The following SORCS3 variants were observed in gnomAD, a reference collection of about 807,000 sequenced individuals.
The protein encoded by SORCS3 is VPS10 domain-containing receptor SorCS3.
SORCS3 carries 57 observed loss-of-function variants against 146.3 expected under a neutral mutation model. The observed-to-expected ratio is 0.39, with a 90% CI of 0.31 to 0.49. The LOEUF is 0.49. Among genes scored for constraint, SORCS3 ranks in the 20% least tolerant of loss-of-function variants. The pLI is 0.92. For synonymous variants in SORCS3, 653 were observed against 618.5 expected (o/e 1.06, Z -0.83); for missense variants, 1,341 against 1,575.5 (o/e 0.85, Z 2.52).
rs1319832341 is a variant in SORCS3 at position 105,223,122 on chromosome 10, T to C, written c.2741T>C (p.Val914Ala). The C allele has an allele frequency of 1.9e-6, 3 of 1,607,026 alleles. No homozygotes were observed. The highest frequency in any genetic ancestry group is 4.5e-5 in the East Asian group (2 of 44,728). The change falls in exon 20 of 27, where the codon GTG becomes GCG. Residue 914 changes from valine (V) to alanine (A), a missense_variant. By Grantham distance (64) the Val-to-Ala change is moderately conservative. Transcript: ENST00000369701. The part of the protein sequence containing the change: ...AVLFLHVVCP[V>A]EHVHLRVPFV... Reference sequence around the variant, plus strand: ...TTTTTTTCTGTTTCCTTAGGTCCTGTGGAGCATGTTCATCTCCGAGTTCCA... The same window carrying C: ...TTTTTTTCTGTTTCCTTAGGTCCTGCGGAGCATGTTCATCTCCGAGTTCCA...
At chr10:105,002,486 G>GAA (rs2055068201) in intron 4 of SORCS3, among the ~76,000 whole-genome samples, 1 of 152,114 alleles carries the variant, frequency 6.6e-6, no homozygotes, top group Non-Finnish European at 1.5e-5. Flanking sequence ...GGGGTATAAG[G>GAA]GCCACAGAAT....
chr10:104,711,339 C>T (rs1033219286), intron 1 of SORCS3, among the ~76,000 whole-genome samples: 3 of 152,136 alleles, frequency 2.0e-5, no homozygotes, highest in Admixed American at 6.6e-5. Context: ...TAATTTACTG[C>T]GGGCCATGCA....
chr10:105,260,453 G>A (rs957901073), intron 25 of SORCS3, among the ~76,000 whole-genome samples: 6 of 152,184 alleles, frequency 3.9e-5, no homozygotes, highest in Non-Finnish European at 7.3e-5. Context: ...AGAGCCTAGT[G>A]TGCTGCCTCA....
At chr10:104,667,530 C>T (rs973212723) in intron 1 of SORCS3, among the ~76,000 whole-genome samples, 2 of 152,114 alleles carry the variant, frequency 1.3e-5, no homozygotes, top group African/African-American at 4.8e-5. Context: ...TGGTCTGCTA[C>T]AGAAATAAAT....
At chr10:105,184,785 A>C (rs2056464891) in intron 14 of SORCS3, among the ~76,000 whole-genome samples, 1 of 152,188 alleles carries the variant, frequency 6.6e-6, no homozygotes, top group Non-Finnish European at 1.5e-5. Flanking sequence ...TCCAAAAATT[A>C]CCTTTTGTTC....
intron 1 of SORCS3, among the ~76,000 whole-genome samples, chr10:104,824,666 T>C (rs1210939024): frequency 2.0e-5 from 3 of 152,218 alleles, no homozygotes; most frequent in Non-Finnish European, 4.4e-5. Context: ...AACAGATGTG[T>C]TGATACTGAA....
chr10:104,921,301 C>T (rs1006809549), intron 3 of SORCS3, among the ~76,000 whole-genome samples: 4 of 152,140 alleles, frequency 2.6e-5, no homozygotes, highest in Admixed American at 2.0e-4. Context: ...CTCCCATGGG[C>T]GAGCTTATTT....
chr10:104,703,525 C>T (rs2133432597), intron 1 of SORCS3, among the ~76,000 whole-genome samples: 1 of 151,600 alleles, frequency 6.6e-6, no homozygotes, highest in South Asian at 2.1e-4. Context: ...ACTGCATGTT[C>T]TCACTCATAA....
chr10:104,862,626 T>A (rs969553995), intron 2 of SORCS3, among the ~76,000 whole-genome samples: 2 of 152,142 alleles, frequency 1.3e-5, no homozygotes, highest in Non-Finnish European at 2.9e-5. Context: ...CATTTGTATG[T>A]GTTTTTAAAT....
intron 3 of SORCS3, among the ~76,000 whole-genome samples, chr10:104,953,258 C>A (rs1453667851): frequency 1.3e-5 from 2 of 152,186 alleles, no homozygotes; most frequent in Non-Finnish European, 2.9e-5. Context: ...ATTACATATT[C>A]CATTTTGTAT....
intron 1 of SORCS3, among the ~76,000 whole-genome samples, chr10:104,839,040 G>A (rs1209559471): frequency 6.6e-6 from 1 of 152,132 alleles, no homozygotes; most frequent in Non-Finnish European, 1.5e-5. Context: ...GCAATAGACT[G>A]GCTTAATAGC....
intron 1 of SORCS3, among the ~76,000 whole-genome samples, chr10:104,687,623 G>T (rs981167461): frequency 6.6e-6 from 1 of 152,092 alleles, no homozygotes; most frequent in African/African-American, 2.4e-5. Context: ...GAGCAGGGCA[G>T]AAGAGAAGAA....
intron 6 of SORCS3, among the ~76,000 whole-genome samples, chr10:105,090,330 A>G (rs1801535689): frequency 6.6e-6 from 1 of 152,172 alleles, no homozygotes; most frequent in Non-Finnish European, 1.5e-5. Flanking sequence ...AGAGAGAGAA[A>G]GTGATGAGCA....
chr10:105,184,591 T>C (rs756904044), intron 14 of SORCS3, among the ~76,000 whole-genome samples: 5 of 152,242 alleles, frequency 3.3e-5, no homozygotes, highest in Non-Finnish European at 7.3e-5. Context: ...TAATGAAATA[T>C]TGAAAATATA....
At chr10:105,058,771 G>A (rs1250655582) in intron 5 of SORCS3, among the ~76,000 whole-genome samples, 1 of 152,104 alleles carries the variant, frequency 6.6e-6, no homozygotes, top group African/African-American at 2.4e-5. Context: ...GGGAGAACCG[G>A]CAGTGAATAC....
chr10:105,201,139 G>A lies in SORCS3; in HGVS notation c.2147G>A (p.Gly716Glu). ...LLNQGEPCVM[G>E]ERKIFKKRKP... is the part of the protein sequence containing the mutation. ...TCTAAGGGAGAGCCTTGTGTCATGGGAGAAAGGAAAATATTCAAGAAACGT... is the reference window on the plus strand; with the variant it reads ...TCTAAGGGAGAGCCTTGTGTCATGGAAGAAAGGAAAATATTCAAGAAACGT... Residue 716 changes from glycine (G) to glutamate (E), a missense_variant, in exon 16 of 27, where the codon GGA (glycine) becomes GAA (glutamate). By Grantham distance (98) the Gly-to-Glu change is moderately conservative (BLOSUM62 -2). Coordinates refer to ENST00000369701, the MANE Select transcript of SORCS3 (RefSeq NM_014978.3). 1 of 1,612,962 alleles carries A rather than the reference G, an allele frequency of 6.2e-7. No individual in the cohort carries two copies. Among genetic ancestry groups the A allele is most frequent in the Non-Finnish European group, 8.5e-7 (1 of 1,179,404 alleles).
Position 105,075,953 on chromosome 10 carries a change from G to T in SORCS3, c.1029-13822G>T, listed in dbSNP as rs377356655. Among the ~76,000 whole-genome samples the T allele has an allele frequency of 6.6e-5, 10 of 152,282 alleles. No homozygotes were observed. The South Asian group carries it at 8.3e-4, about 13-fold the overall frequency. ...ACCAGTCCAGTGCTCTTTCCATTAC[G>T]TTCCAACACAAGTTTTTATTAGTCA... On this transcript the variant is annotated intron_variant, in intron 5 of 26. Transcript: ENST00000369701.
chr10:104,856,598 A>ATGTATATT (rs1386270921), intron 2 of SORCS3, among the ~76,000 whole-genome samples: 1 of 23,650 alleles, frequency 4.2e-5, no homozygotes, highest in Non-Finnish European at 1.0e-4. Context: ...ATATATACAT[A>ATGTATATT]TAAATGTATT....
intron 1 of SORCS3, among the ~76,000 whole-genome samples, chr10:104,695,142 T>C (rs2133424866): frequency 6.6e-6 from 1 of 152,296 alleles, no homozygotes; most frequent in African/African-American, 2.4e-5. Context: ...AATTTTATTG[T>C]GGTGATTTTT....
Sources: gnomAD v4.1 joint callset for allele counts (sites outside exome capture counted in the v4.1 genomes callset) on GRCh38, gnomAD v4.1.1 for gene constraint, MANE v1.5 for transcripts, NCBI Gene and HGNC (gene_info 2026-07-23, HGNC 2026-07-21) for gene names.